The following IGSF3 variants were observed in gnomAD, a reference collection of about 807,000 sequenced individuals.
IGSF3 encodes glu-Trp-Ile EWI motif-containing protein 3.
In IGSF3, 23 loss-of-function variants were observed where a neutral mutation model predicts 114.4. The ratio of observed to expected loss-of-function variants is 0.20; its 90% CI spans 0.14 to 0.28. IGSF3 has a LOEUF of 0.28. Ranked by LOEUF, IGSF3 falls within the 10% of genes least tolerant of loss-of-function variation. The pLI is 1.00. For synonymous variants in IGSF3, 571 were observed against 645.2 expected, an observed-to-expected ratio of 0.88 and a Z score of 1.74; for missense variants, 1,172 against 1,591.5, an observed-to-expected ratio of 0.74 and a Z score of 4.48.
rs930948747 is a variant in IGSF3 at position 116,638,276 on chromosome 1, C to T, written c.44-21819G>A. On this transcript the variant is annotated intron_variant, in intron 2 of 10. Coordinates refer to ENST00000369486, the MANE Select transcript of IGSF3 (RefSeq NM_001007237.3). The surrounding 1 kb of genome is among the most constrained non-coding windows in gnomAD (Gnocchi z 4.1). Reference sequence around the variant, plus strand: ...TCTCTCCTGTGTCACTGCCACTTGTCAACTGCCTAATCCAGCCACGCTGTT... The same window carrying T: ...TCTCTCCTGTGTCACTGCCACTTGTTAACTGCCTAATCCAGCCACGCTGTT... 1.3e-5 allele frequency among the ~76,000 whole-genome samples: 2 copies of T among 152,212 alleles called. No homozygotes were observed. Among genetic ancestry groups the T allele is most frequent in the South Asian group, 2.1e-4 (1 of 4,828 alleles).
intron 5 of IGSF3, chr1:116,606,482 G>C: frequency 6.2e-7 from 1 of 1,609,292 alleles, no homozygotes; most frequent in Non-Finnish European, 8.5e-7. Flanking sequence ...TTGTTCTTCG[G>C]CAGACTTACC....
At chr1:116,601,812 G>C (rs1457860912) in intron 6 of IGSF3, among the ~76,000 whole-genome samples, 1 of 152,186 alleles carries the variant, frequency 6.6e-6, no homozygotes, top group Non-Finnish European at 1.5e-5. Flanking sequence ...TGTGTAGTAG[G>C]TGTTGCATGA....
chr1:116,600,199 C>T lies in IGSF3; in HGVS notation c.1771G>A (p.Glu591Lys), dbSNP rs779450086. The change falls in exon 7 of 11, where the codon GAG (glutamate) becomes AAG (lysine). Residue 591 changes from glutamate to lysine, a missense_variant. Coordinates refer to ENST00000369486, the MANE Select transcript of IGSF3 (RefSeq NM_001007237.3). The surrounding 1 kb of genome is among the most constrained non-coding windows in gnomAD (Gnocchi z 5.5). ...GTGAAGGTCACCAAGTCATGGAACT[C>T]CACCGTGCCCACCGGCTGGAACCGC... ...TWRFQPVGTV[E>K]FHDLVTFTRD... The T allele has an allele frequency of 1.2e-6, 2 of 1,614,120 alleles. No individual in the cohort carries two copies. Among genetic ancestry groups the T allele is most frequent in the South Asian group, 2.2e-5 (2 of 91,074 alleles).
At chr1:116,586,121 A>G (rs1212212450) in intron 8 of IGSF3, among the ~76,000 whole-genome samples, 1 of 152,192 alleles carries the variant, frequency 6.6e-6, no homozygotes, top group African/African-American at 2.4e-5. Flanking sequence ...GAGACTTCTG[A>G]GTGACATCAG....
In IGSF3 at chr1:116,647,920, A is replaced by G. The variant is rs1191759812; in HGVS notation, c.43+18364T>C. On this transcript the variant is annotated intron_variant, in intron 2 of 10. Transcript: ENST00000369486. This position sits in a 1 kb window ranked among gnomAD's most constrained non-coding sequence, Gnocchi z 4.6. ...GGAGTTCAAGACCAGCCTGGCCAAC[A>G]TGAAGAAACCCCATCTCTACTACAA... 6.6e-6 allele frequency among the ~76,000 whole-genome samples: 1 copy of G among 152,248 alleles called. No individual in the cohort carries two copies. The highest frequency in any genetic ancestry group is 2.4e-5 in the African/African-American group (1 of 41,464).
chr1:116,587,783 G>C (rs1659915002), intron 8 of IGSF3, among the ~76,000 whole-genome samples: 3 of 152,124 alleles, frequency 2.0e-5, no homozygotes, highest in Non-Finnish European at 4.4e-5. Context: ...AGACAATGAG[G>C]GCAGCACAAG....
At position 116,582,709 on chromosome 1, in the gene IGSF3, G is replaced by C. The variant is rs1339357009; in HGVS notation, c.2848+1936C>G. ...AACGCTCATAAAAGAAAGTTGAGTG[G>C]GAAAAAAGATCACATAAAACAGTAA... is the stretch of plus-strand genomic sequence containing the variant. On this transcript the variant is annotated intron_variant, in intron 9 of 10. Coordinates refer to ENST00000369486, the MANE Select transcript of IGSF3 (RefSeq NM_001007237.3). The surrounding 1 kb of genome is among the most constrained non-coding windows in gnomAD (Gnocchi z 4.7). Among the ~76,000 whole-genome samples the C allele has an allele frequency of 6.6e-6, 1 of 151,954 alleles. No individual in the cohort carries two copies. The highest frequency in any genetic ancestry group is 2.4e-5 in the African/African-American group (1 of 41,354).
chr1:116,666,674 T>C lies in IGSF3; in HGVS notation c.-348A>G, dbSNP rs1157158269. On this transcript the variant is annotated 5_prime_UTR_variant, in exon 2 of 11. Transcript: ENST00000369486. ...CGGAAAAAAGGGTCTGAGAAAATCC[T>C]TTCATCCACTGATTATACAGAAATG... The C allele has an allele frequency of 9.0e-6, 5 of 554,264 alleles. No homozygotes were observed. Among genetic ancestry groups the C allele is most frequent in the African/African-American group, 5.7e-5 (3 of 52,888 alleles). The allele number at this position is 554,264 out of a possible 1,614,324, so 34.3% of individuals were successfully genotyped here.
intron 5 of IGSF3, among the ~76,000 whole-genome samples, chr1:116,604,675 G>A (rs61786581): frequency 2.6e-5 from 4 of 152,162 alleles, no homozygotes; most frequent in Non-Finnish European, 4.4e-5. Context: ...CCAGCAGCTC[G>A]TCATCCACCA....
At chr1:116,626,348 T>C (rs1156965838) in intron 2 of IGSF3, among the ~76,000 whole-genome samples, 1 of 150,646 alleles carries the variant, frequency 6.6e-6, no homozygotes, top group Non-Finnish European at 1.5e-5. Flanking sequence ...GTCCCTTTCA[T>C]TGAGTTATGA....
intron 2 of IGSF3, among the ~76,000 whole-genome samples, chr1:116,656,460 C>T (rs1648856492): frequency 6.6e-6 from 1 of 151,816 alleles, no homozygotes; most frequent in Non-Finnish European, 1.5e-5. Flanking sequence ...GCCACCACAC[C>T]CAGCTAATTT....
rs763101494 is a variant in IGSF3 at position 116,613,920 on chromosome 1, C to A, written c.677G>T (p.Arg226Met). Residue 226 changes from arginine to methionine, a missense_variant, in exon 4 of 11, where the codon AGG becomes ATG. Physicochemically the swap from Arg to Met is moderately conservative, Grantham distance 91 (BLOSUM62 -1). Transcript: ENST00000369486. The stretch of plus-strand genomic sequence containing the variant: ...GAAGATGGTGAGGCGGAAGGTGGTC[C>A]TCCCCAGCTTGTCCAGCCGCACCTC... The part of the protein sequence containing the change: ...LGEVRLDKLG[R>M]TTFRLTIFHL... The A allele has an allele frequency of 1.9e-6, 3 of 1,613,958 alleles. No homozygotes were observed. The highest frequency in any genetic ancestry group is 1.7e-4 in the Middle Eastern group (1 of 6,026).
chr1:116,580,007 G>A (rs1487965387), intron 9 of IGSF3, 130 bp from the exon 10 acceptor site: 3 of 856,626 alleles, frequency 3.5e-6, no homozygotes, highest in Non-Finnish European at 3.5e-6. Flanking sequence ...CTATTGAAAA[G>A]GCATAGGCAG....
In IGSF3 at chr1:116,603,528, C is replaced by T; in HGVS notation, c.1624+96G>A. 1 of 1,223,836 alleles carries T rather than the reference C, an allele frequency of 8.2e-7. No individual in the cohort carries two copies. The highest frequency in any genetic ancestry group is 1.2e-6 in the Non-Finnish European group (1 of 861,832). 75.8% of individuals were successfully genotyped at this position (1,223,836 alleles called of 1,614,324 possible). On this transcript the variant is annotated intron_variant, in intron 6 of 10. Transcript: ENST00000369486. This position sits in a 1 kb window ranked among gnomAD's most constrained non-coding sequence, Gnocchi z 7.1. Reference sequence around the variant, plus strand: ...ATAGGTAAAAGACTGGCCATAGTTTCCTGCTAAAACTCTGACTGAGAAAAG... The same window carrying T: ...ATAGGTAAAAGACTGGCCATAGTTTTCTGCTAAAACTCTGACTGAGAAAAG...
chr1:116,609,512 G>C (rs1184521018), intron 4 of IGSF3, among the ~76,000 whole-genome samples: 4 of 152,090 alleles, frequency 2.6e-5, no homozygotes, highest in Non-Finnish European at 5.9e-5. Flanking sequence ...AATCTCATTA[G>C]ACAGCTATCG....
At chr1:116,626,347 A>AT (rs529670214) in intron 2 of IGSF3, among the ~76,000 whole-genome samples, 289 of 151,234 alleles carry the variant, frequency 1.9e-3, no homozygotes, top group African/African-American at 6.8e-3. Context: ...CGTCCCTTTC[A>AT]TTGAGTTATG....
In IGSF3 at chr1:116,625,251, A is replaced by G. The variant is rs954345686; in HGVS notation, c.44-8794T>C. Among the ~76,000 whole-genome samples the G allele has an allele frequency of 7.2e-5, 11 of 152,218 alleles. No homozygotes were observed. The highest frequency in any genetic ancestry group is 1.3e-4 in the Non-Finnish European group (9 of 68,044). On this transcript the variant is annotated intron_variant, in intron 2 of 10. Coordinates refer to ENST00000369486, the MANE Select transcript of IGSF3 (RefSeq NM_001007237.3). The surrounding 1 kb of genome is among the most constrained non-coding windows in gnomAD (Gnocchi z 4.7). ...AATCCTAAAATAAATACACATAACT[A>G]ATCATTTTAATGGTATACAATAGCA...
In IGSF3 at chr1:116,585,892, AAAAAAGAAAAAG is replaced by A. The variant is rs570119120; in HGVS notation, c.2441-852_2441-841del. Among the ~76,000 whole-genome samples, 14 of 152,370 alleles carry A rather than the reference AAAAAAGAAAAAG, an allele frequency of 9.2e-5. No individual in the cohort carries two copies. The highest frequency in any genetic ancestry group is 3.4e-3 in the Middle Eastern group (1 of 294). On this transcript the variant is annotated intron_variant, in intron 8 of 10. Coordinates refer to ENST00000369486, the MANE Select transcript of IGSF3 (RefSeq NM_001007237.3). The surrounding 1 kb of genome is among the most constrained non-coding windows in gnomAD (Gnocchi z 4.9). ...GTGCAACAGAGTGAGACTGTCTCAA[AAAAAAGAAAAAG>A]AAAAAGAAAAAGAAAAGATTGCTAC... is the stretch of plus-strand genomic sequence containing the variant.
chr1:116,599,391 TACACACAC>T (rs35774720), intron 7 of IGSF3, among the ~76,000 whole-genome samples: 5 of 148,220 alleles, frequency 3.4e-5, no homozygotes, highest in African/African-American at 9.8e-5. Flanking sequence ...CACATACATA[TACACACAC>T]ACACACACAC....
Sources: allele counts gnomAD v4.1 joint callset (sites outside exome capture counted in the v4.1 genomes callset), GRCh38; gene constraint gnomAD v4.1.1; non-coding constraint Gnocchi (gnomAD v3.1); transcripts MANE v1.5; gene names NCBI Gene and HGNC (gene_info 2026-07-23, HGNC 2026-07-21).